Variants in ZNF277 observed in about 807,000 individuals in gnomAD.
The protein encoded by ZNF277 is nuclear receptor-interacting factor 4.
A neutral mutation model predicts 60.7 loss-of-function variants in ZNF277; 55 were observed. The observed-to-expected ratio is 0.91, with a 90% CI of 0.73 to 1.13. The LOEUF (loss-of-function observed/expected upper bound fraction) is 1.13. Ranked by LOEUF, ZNF277 falls within the 50% of genes most tolerant of loss-of-function variation. The pLI is 0.00. For missense variants in ZNF277, 510 were observed against 523.0 expected (o/e 0.98, Z 0.24); for synonymous variants, 178 against 179.3 (o/e 0.99, Z 0.06).
intron 2 of ZNF277, chr7:112,287,285 G>C (rs62473135): frequency 0.12 from 68,387 of 560,542 alleles, 4,816 homozygotes; most frequent in Admixed American, 0.25. Flanking sequence ...TGAGGCAGGA[G>C]GGCTGCTTGC....
At chr7:112,251,340 A>G (rs1791195880) in intron 1 of ZNF277, among the ~76,000 whole-genome samples, 1 of 152,196 alleles carries the variant, frequency 6.6e-6, no homozygotes, top group Admixed American at 6.5e-5. Flanking sequence ...TCTTTAACCA[A>G]AAAGTTTCTG....
chr7:112,256,419 G>A (rs1791307261), intron 1 of ZNF277, among the ~76,000 whole-genome samples: 1 of 138,388 alleles, frequency 7.2e-6, no homozygotes, highest in Admixed American at 7.2e-5. Context: ...AACTTCTTTG[G>A]AGTTTTTTTT....
chr7:112,337,810 TG>T lies in ZNF277; in HGVS notation c.951del (p.Leu317PhefsTer16). ...CEKQAETIEK[L>X]YVHMEDAHEF... ...AAGCAAGCAGAAACAATTGAGAAGT[TG>T]TATGTCCACATGGAGGTAAGATACC... On this transcript the variant is annotated frameshift_variant, in exon 9 of 12. Coordinates refer to ENST00000361822, the MANE Select transcript of ZNF277 (RefSeq NM_021994.3). LOFTEE classifies it high-confidence loss of function. The T allele has an allele frequency of 6.2e-7, 1 of 1,611,582 alleles. No homozygotes were observed. Among genetic ancestry groups the T allele is most frequent in the Non-Finnish European group, 8.5e-7 (1 of 1,179,224 alleles).
intron 1 of ZNF277, among the ~76,000 whole-genome samples, chr7:112,239,153 T>A (rs1587105816): frequency 6.6e-6 from 1 of 152,038 alleles, no homozygotes; most frequent in East Asian, 1.9e-4. Context: ...AAAGACTCCT[T>A]CTTGAGGAAA....
intron 7 of ZNF277, 58 bp from the exon 8 acceptor site, chr7:112,336,046 A>G (rs760529433): frequency 2.8e-5 from 40 of 1,448,940 alleles, no homozygotes; most frequent in Non-Finnish European, 3.3e-5. Flanking sequence ...AAAGTTCTAC[A>G]TACTCTCTCC....
chr7:112,257,299 T>G (rs1563206168), intron 1 of ZNF277, among the ~76,000 whole-genome samples: 1 of 152,202 alleles, frequency 6.6e-6, no homozygotes, highest in Non-Finnish European at 1.5e-5. Flanking sequence ...TGCTAGGTGG[T>G]AGAACCAGAA....
chr7:112,253,265 C>T (rs1437285114), intron 1 of ZNF277, among the ~76,000 whole-genome samples: 1 of 152,056 alleles, frequency 6.6e-6, no homozygotes, highest in Admixed American at 6.6e-5. Flanking sequence ...CTTCTAAAAT[C>T]AAAGAACTGA....
intron 1 of ZNF277, among the ~76,000 whole-genome samples, chr7:112,265,697 A>C (rs1042352100): frequency 6.6e-6 from 1 of 152,162 alleles, no homozygotes; most frequent in Admixed American, 6.6e-5. Flanking sequence ...CATAATGTTA[A>C]TGGTGGTTAT....
chr7:112,312,896 C>T (rs953793905), intron 4 of ZNF277, among the ~76,000 whole-genome samples: 2 of 151,896 alleles, frequency 1.3e-5, no homozygotes, highest in Non-Finnish European at 2.9e-5. Flanking sequence ...GATTACAATA[C>T]AATAATGAAA....
At chr7:112,302,497 C>T (rs1459774544) in intron 4 of ZNF277, among the ~76,000 whole-genome samples, 7 of 152,056 alleles carry the variant, frequency 4.6e-5, no homozygotes, top group Admixed American at 3.9e-4. Flanking sequence ...ATAAAATTTT[C>T]TTAAATATAA....
chr7:112,281,599 T>C (rs6975374), intron 1 of ZNF277, among the ~76,000 whole-genome samples: 8,760 of 152,272 alleles, frequency 0.058, 677 homozygotes, highest in African/African-American at 0.18. Context: ...CCAAGGCCCA[T>C]AGCACTAAAC....
intron 1 of ZNF277, among the ~76,000 whole-genome samples, chr7:112,268,438 T>C (rs1172375827): frequency 6.6e-6 from 1 of 152,118 alleles, no homozygotes; most frequent in Non-Finnish European, 1.5e-5. Flanking sequence ...CTAATTAGTA[T>C]TATCTATATC....
chr7:112,207,837 G>GT (rs1352310942), intron 1 of ZNF277, among the ~76,000 whole-genome samples: 2 of 152,096 alleles, frequency 1.3e-5, no homozygotes, highest in Admixed American at 6.5e-5. Flanking sequence ...TTGAAGTGCA[G>GT]TTTTTTCCCA....
At chr7:112,259,453 C>T (rs890473460) in intron 1 of ZNF277, among the ~76,000 whole-genome samples, 4 of 152,092 alleles carry the variant, frequency 2.6e-5, no homozygotes, top group African/African-American at 9.7e-5. Flanking sequence ...TAGAAAAGAA[C>T]CTAAGCCGCA....
intron 1 of ZNF277, among the ~76,000 whole-genome samples, chr7:112,213,988 A>C (rs1397474159): frequency 6.6e-6 from 1 of 152,236 alleles, no homozygotes; most frequent in African/African-American, 2.4e-5. Context: ...AGTCATAGGT[A>C]TAGGCACATC....
intron 2 of ZNF277, among the ~76,000 whole-genome samples, chr7:112,292,511 T>C (rs557978473): frequency 3.9e-5 from 6 of 152,266 alleles, no homozygotes; most frequent in African/African-American, 1.4e-4. Flanking sequence ...TGTGACCTCA[T>C]TGGTCTCTGA....
At chr7:112,250,470 C>T (rs1384804106) in intron 1 of ZNF277, among the ~76,000 whole-genome samples, 5 of 152,158 alleles carry the variant, frequency 3.3e-5, no homozygotes, top group Non-Finnish European at 7.3e-5. Context: ...CGCACACTCC[C>T]TCCCTTTTTG....
intron 2 of ZNF277, among the ~76,000 whole-genome samples, chr7:112,292,761 G>A (rs531310950): frequency 6.6e-6 from 1 of 152,218 alleles, no homozygotes; most frequent in African/African-American, 2.4e-5. Context: ...GCTAATAATT[G>A]TCATTATTGT....
At chr7:112,218,366 A>G (rs1179143037) in intron 1 of ZNF277, among the ~76,000 whole-genome samples, 1 of 152,206 alleles carries the variant, frequency 6.6e-6, no homozygotes, top group East Asian at 1.9e-4. Flanking sequence ...TTAATTGACA[A>G]CTAAAAGTAT....
Sources: gnomAD v4.1 joint callset for allele counts (sites outside exome capture counted in the v4.1 genomes callset) on GRCh38, gnomAD v4.1.1 for gene constraint, MANE v1.5 for transcripts, NCBI Gene and HGNC (gene_info 2026-07-23, HGNC 2026-07-21) for gene names.